Variants in SLC1A1 observed in about 807,000 individuals in gnomAD.
SLC1A1 encodes excitatory amino acid transporter 3.
SLC1A1 carries 43 observed loss-of-function variants against 53.3 expected under a neutral mutation model. That is an observed-to-expected ratio of 0.81 (90% CI 0.63 to 1.04). The LOEUF is 1.04. SLC1A1 is among the 50% of genes least tolerant of loss of function. The pLI, the probability that SLC1A1 is intolerant of heterozygous loss-of-function variation, is 0.00. For synonymous variants in SLC1A1, 307 were observed against 243.2 expected (o/e 1.26, Z -2.44); for missense variants, 748 against 664.9 (o/e 1.12, Z -1.37).
intron 1 of SLC1A1, among the ~76,000 whole-genome samples, chr9:4,496,334 G>A (rs1820419701): frequency 6.6e-6 from 1 of 152,058 alleles, no homozygotes; most frequent in African/African-American, 2.4e-5. Context: ...AGGCACTTAG[G>A]TGTGAAAGAA....
intron 10 of SLC1A1, among the ~76,000 whole-genome samples, chr9:4,577,932 A>T (rs188537): frequency 6.6e-6 from 1 of 152,056 alleles, no homozygotes; most frequent in Non-Finnish European, 1.5e-5. Flanking sequence ...TGAATTGAAG[A>T]AGCATCAGCT....
chr9:4,548,180 C>T (rs533413229), intron 2 of SLC1A1, among the ~76,000 whole-genome samples: 2 of 152,216 alleles, frequency 1.3e-5, no homozygotes, highest in African/African-American at 4.8e-5. Flanking sequence ...TGCTCCCTTC[C>T]CCTGCCGGCT....
intron 1 of SLC1A1, among the ~76,000 whole-genome samples, chr9:4,501,114 C>T (rs780978162): frequency 3.4e-5 from 5 of 148,200 alleles, no homozygotes; most frequent in Non-Finnish European, 7.4e-5. Flanking sequence ...CAACACAGGA[C>T]AATTGTCACA....
At chr9:4,581,864 C>A (rs1586865324) in intron 10 of SLC1A1, among the ~76,000 whole-genome samples, 2 of 152,350 alleles carry the variant, frequency 1.3e-5, no homozygotes, top group Admixed American at 1.3e-4. Context: ...CCCTCAAATG[C>A]TTTCTGCAAC....
chr9:4,557,626 T>TTA (rs1564035015), intron 2 of SLC1A1, among the ~76,000 whole-genome samples: 1 of 148,986 alleles, frequency 6.7e-6, no homozygotes, highest in Admixed American at 6.7e-5. Flanking sequence ...TCTCTACAAT[T>TTA]AAAAAAAAAA....
chr9:4,538,450 C>T (rs1359434712), intron 1 of SLC1A1, among the ~76,000 whole-genome samples: 2 of 152,116 alleles, frequency 1.3e-5, no homozygotes, highest in African/African-American at 4.8e-5. Context: ...GGAAGATTTG[C>T]CCTAAGCAGT....
chr9:4,576,746 G>T lies in SLC1A1; in HGVS notation c.1176G>T (p.Gly392=). ...TGAATGACCTGGACTTGGGCATTGG[G>T]CAGATCATCACCATCAGGTGGGGCA... ...AQLNDLDLGI[G]QIITISITAT... The change falls in exon 10 of 12, where the codon GGG becomes GGT. Residue 392 remains glycine, a synonymous_variant. Transcript: ENST00000262352. The T allele has an allele frequency of 6.2e-7, 1 of 1,614,030 alleles. No homozygotes were observed. The highest frequency in any genetic ancestry group is 8.5e-7 in the Non-Finnish European group (1 of 1,179,940).
chr9:4,561,759 C>T (rs1236788823), intron 3 of SLC1A1, among the ~76,000 whole-genome samples: 1 of 152,092 alleles, frequency 6.6e-6, no homozygotes, highest in Non-Finnish European at 1.5e-5. Context: ...GGTATGGTAA[C>T]ATGCGCCTGT....
chr9:4,517,737 T>C (rs1444952936), intron 1 of SLC1A1, among the ~76,000 whole-genome samples: 1 of 152,188 alleles, frequency 6.6e-6, no homozygotes, highest in Non-Finnish European at 1.5e-5. Flanking sequence ...ATTTTTAGTT[T>C]CTCTTTAAAA....
At chr9:4,562,229 G>A (rs913911943) in intron 3 of SLC1A1, among the ~76,000 whole-genome samples, 1 of 151,470 alleles carries the variant, frequency 6.6e-6, no homozygotes, top group Non-Finnish European at 1.5e-5. Flanking sequence ...ACACCACCAT[G>A]CCCAGCTAAT....
chr9:4,541,032 C>T (rs530394067), intron 1 of SLC1A1, among the ~76,000 whole-genome samples: 1 of 152,306 alleles, frequency 6.6e-6, no homozygotes, highest in South Asian at 2.1e-4. Context: ...CTTGAAATTA[C>T]CTGTGTCTGT....
rs1819617628 is a variant in SLC1A1, at chr9:4,567,664, T to C, written c.484-5T>C. ...TGCTTGTCCTTGATTTTCTCCAACATGCAGTACAAAACTAAGCGTGAAGAA... is the reference window on the plus strand; with the variant it reads ...TGCTTGTCCTTGATTTTCTCCAACACGCAGTACAAAACTAAGCGTGAAGAA... On this transcript the variant is annotated splice_polypyrimidine_tract_variant and splice_region_variant and intron_variant, in intron 5 of 11. Transcript: ENST00000262352. 1.9e-6 allele frequency: 3 copies of C among 1,592,904 alleles called. No homozygotes were observed. The highest frequency in any genetic ancestry group is 1.7e-4 in the Middle Eastern group (1 of 6,016).
intron 1 of SLC1A1, among the ~76,000 whole-genome samples, chr9:4,526,698 A>T (rs1816272605): frequency 1.3e-5 from 2 of 152,196 alleles, no homozygotes; most frequent in Non-Finnish European, 2.9e-5. Context: ...CTGTATACTG[A>T]ATAGAATTCT....
chr9:4,562,500 T>C (rs1414405335), intron 3 of SLC1A1, among the ~76,000 whole-genome samples: 2 of 152,204 alleles, frequency 1.3e-5, no homozygotes, highest in African/African-American at 4.8e-5. Context: ...AGCTAATAGA[T>C]CCTTGTTAAG....
rs745861873 is a variant in SLC1A1, at chr9:4,490,752, G to A, written c.73G>A (p.Val25Met). 2.9e-5 allele frequency: 46 copies of A among 1,612,216 alleles called. No individual in the cohort carries two copies. Among genetic ancestry groups the A allele is most frequent in the Non-Finnish European group, 3.5e-5 (41 of 1,178,812 alleles). Reference sequence around the variant, plus strand: ...GAATAACTGGGTGTTGCTGTCCACCGTGGCCGCGGTGGTGCTAGGTGAGCG... The same window carrying A: ...GAATAACTGGGTGTTGCTGTCCACCATGGCCGCGGTGGTGCTAGGTGAGCG... ...LKNNWVLLSTVAAVVLGITTG... is the reference protein window; with the variant it reads ...LKNNWVLLSTMAAVVLGITTG... Residue 25 changes from valine (V) to methionine (M), a missense_variant, in exon 1 of 12, where the codon GTG becomes ATG. By Grantham distance (21) the Val-to-Met change is conservative (BLOSUM62 1). Coordinates refer to ENST00000262352, the MANE Select transcript of SLC1A1 (RefSeq NM_004170.6).
chr9:4,547,791 A>G (rs1817607813), intron 2 of SLC1A1, among the ~76,000 whole-genome samples: 1 of 152,190 alleles, frequency 6.6e-6, no homozygotes, highest in Non-Finnish European at 1.5e-5. Flanking sequence ...ACATATGTAT[A>G]CAAATTTATC....
intron 2 of SLC1A1, among the ~76,000 whole-genome samples, chr9:4,557,308 T>C (rs1269877173): frequency 6.6e-6 from 1 of 152,236 alleles, no homozygotes; most frequent in African/African-American, 2.4e-5. Context: ...CGTAGCATCT[T>C]CCTTTCCCCT....
rs1206235959 is a variant in SLC1A1, at chr9:4,537,490, C to T, written c.92-7077C>T. Among the ~76,000 whole-genome samples, 5 of 88,964 alleles carry T rather than the reference C, an allele frequency of 5.6e-5. 2 individuals are homozygous for T. The highest frequency in any genetic ancestry group is 1.2e-4 in the Non-Finnish European group (5 of 40,350). The allele number at this position is 88,964 out of a possible 152,430, so 58.4% of individuals were successfully genotyped here. A position where few individuals can be genotyped will look rare whatever the true frequency, so the allele number is the denominator to read the frequency against. ...AGGAGAATGGCGTGAACCCGGGAAG[C>T]GGAGCTTGCAGTGAGCCGAGATTGC... On this transcript the variant is annotated intron_variant, in intron 1 of 11. Transcript: ENST00000262352.
chr9:4,543,963 G>T lies in SLC1A1; in HGVS notation c.92-604G>T, dbSNP rs1817235995. Among the ~76,000 whole-genome samples, 2 of 152,148 alleles carry T rather than the reference G, an allele frequency of 1.3e-5. 1 individual carries two copies. The highest frequency in any genetic ancestry group is 4.1e-4 in the South Asian group (2 of 4,828). Reference sequence around the variant, plus strand: ...GGAAGTCGAGGTGGGCAGATCACTTGAGGCCAGGAGTTCGAGACCAGCCTG... The same window carrying T: ...GGAAGTCGAGGTGGGCAGATCACTTTAGGCCAGGAGTTCGAGACCAGCCTG... On this transcript the variant is annotated intron_variant, in intron 1 of 11. Transcript: ENST00000262352.
Sources: allele counts gnomAD v4.1 joint callset (sites outside exome capture counted in the v4.1 genomes callset), GRCh38; gene constraint gnomAD v4.1.1; transcripts MANE v1.5; gene names NCBI Gene and HGNC (gene_info 2026-07-23, HGNC 2026-07-21).